SETBP1: variants seen among roughly 807,000 people sequenced by gnomAD.
The protein encoded by SETBP1 is SET-binding protein.
In SETBP1, 9 loss-of-function variants were observed where a neutral mutation model predicts 101.0. The ratio of observed to expected loss-of-function variants is 0.09; its 90% CI spans 0.05 to 0.16. SETBP1 has a LOEUF of 0.16. SETBP1 is among the 10% of genes least tolerant of loss of function. SETBP1 has a pLI of 1.00. For missense variants in SETBP1, 1,858 were observed against 2,033.8 expected, an observed-to-expected ratio of 0.91 and a Z score of 1.66; for synonymous variants, 818 against 788.5, an observed-to-expected ratio of 1.04 and a Z score of -0.63.
intron 2 of SETBP1, among the ~76,000 whole-genome samples, chr18:44,767,798 AACGAAATAG>A (rs1285641406): frequency 6.6e-6 from 1 of 152,214 alleles, no homozygotes; most frequent in Non-Finnish European, 1.5e-5. Flanking sequence ...GTGGGAATAA[AACGAAATAG>A]ACGTTTCATA....
chr18:44,933,624 G>A (rs1488766909), intron 3 of SETBP1, among the ~76,000 whole-genome samples: 1 of 152,168 alleles, frequency 6.6e-6, no homozygotes. Context: ...TGGATGCTTT[G>A]TTTACCTACT....
At chr18:44,893,800 CAT>C (rs57530177) in intron 3 of SETBP1, among the ~76,000 whole-genome samples, 24 of 152,132 alleles carry the variant, frequency 1.6e-4, no homozygotes, top group African/African-American at 4.3e-4. Context: ...CTTATTTTAA[CAT>C]GTGTAAAATG....
At position 44,950,788 on chromosome 18, in the gene SETBP1, G is replaced by C. The variant is rs754206158; in HGVS notation, c.1448G>C (p.Gly483Ala). 1 of 1,614,148 alleles carries C rather than the reference G, an allele frequency of 6.2e-7. No individual in the cohort carries two copies. The highest frequency in any genetic ancestry group is 8.5e-7 in the Non-Finnish European group (1 of 1,180,026). The part of the protein sequence containing the change: ...NESPSVGLET[G>A]GNAEKVIPGG... ...TCCCCCTCAGTTGGCCTTGAAACTG[G>C]TGGAAATGCTGAGAAAGTTATCCCA... is the stretch of plus-strand genomic sequence containing the variant. Residue 483 changes from glycine to alanine, a missense_variant, in exon 4 of 6, where the codon GGT (glycine) becomes GCT (alanine). Coordinates refer to ENST00000649279, the MANE Select transcript of SETBP1 (RefSeq NM_015559.3).
At chr18:44,756,457 G>C (rs4617956) in intron 2 of SETBP1, among the ~76,000 whole-genome samples, 76,560 of 151,928 alleles carry the variant, frequency 0.5, 19,636 homozygotes, top group African/African-American at 0.55. Flanking sequence ...TCACAGTGCT[G>C]TCAAGTACAT....
intron 3 of SETBP1, among the ~76,000 whole-genome samples, chr18:44,893,985 GT>G (rs1195835882): frequency 1.3e-5 from 2 of 152,194 alleles, no homozygotes; most frequent in East Asian, 3.9e-4. Flanking sequence ...GGACACTTTA[GT>G]TTTAAAACTC....
intron 2 of SETBP1, among the ~76,000 whole-genome samples, chr18:44,815,441 AC>A (rs2071954324): frequency 6.6e-6 from 1 of 152,228 alleles, no homozygotes; most frequent in Non-Finnish European, 1.5e-5. Context: ...TGGGCAATAG[AC>A]ATTTGAATTA....
chr18:44,944,822 A>G (rs967840387), intron 3 of SETBP1, among the ~76,000 whole-genome samples: 1 of 152,046 alleles, frequency 6.6e-6, no homozygotes, highest in Non-Finnish European at 1.5e-5. Context: ...TCAAATCACC[A>G]TCTTCTCATC....
intron 3 of SETBP1, among the ~76,000 whole-genome samples, chr18:44,888,516 G>A (rs1367477240): frequency 6.6e-6 from 1 of 152,050 alleles, no homozygotes; most frequent in Non-Finnish European, 1.5e-5. Context: ...TTCCCATTTG[G>A]TGCAAAGCAA....
chr18:44,690,247 G>C (rs973851694), intron 1 of SETBP1, among the ~76,000 whole-genome samples: 4 of 152,190 alleles, frequency 2.6e-5, no homozygotes, highest in Non-Finnish European at 4.4e-5. Flanking sequence ...GACAGTACAA[G>C]GTAGCTAGAG....
In SETBP1 at chr18:44,700,265, A is replaced by G. The variant is rs1050092705; in HGVS notation, c.-172-910A>G. 2.6e-5 allele frequency among the ~76,000 whole-genome samples: 4 copies of G among 152,084 alleles called. No homozygotes were observed. The South Asian group carries it at 6.2e-4, about 24-fold the overall frequency. On this transcript the variant is annotated intron_variant, in intron 1 of 5. Coordinates refer to ENST00000649279, the MANE Select transcript of SETBP1 (RefSeq NM_015559.3). ...GAGCCTAACTGATTTTTCTCTTCTCATCTTGGAGGAAGGTAGAGAGGAAGA... is the reference window on the plus strand; with the variant it reads ...GAGCCTAACTGATTTTTCTCTTCTCGTCTTGGAGGAAGGTAGAGAGGAAGA...
In SETBP1 at chr18:44,951,758, A is replaced by C; in HGVS notation, c.2418A>C (p.Pro806=). 1 of 1,614,154 alleles carries C rather than the reference A, an allele frequency of 6.2e-7. No individual in the cohort carries two copies. Among genetic ancestry groups the C allele is most frequent in the Non-Finnish European group, 8.5e-7 (1 of 1,180,024 alleles). ...ATTTTTCAGAGTTGAAAACTATGCC[A>C]AATCTCCAGCCCATCAGTGCTCTTC... ...ETNFSELKTM[P]NLQPISALPT... Residue 806 remains proline (P), a synonymous_variant, in exon 4 of 6, where the codon CCA becomes CCC. Coordinates refer to ENST00000649279, the MANE Select transcript of SETBP1 (RefSeq NM_015559.3). The surrounding 1 kb of genome is among the most constrained non-coding windows in gnomAD (Gnocchi z 7.8).
intron 2 of SETBP1, among the ~76,000 whole-genome samples, chr18:44,805,704 C>G (rs559914914): frequency 6.6e-6 from 1 of 151,980 alleles, no homozygotes; most frequent in Non-Finnish European, 1.5e-5. Flanking sequence ...ATGGCAGAGA[C>G]TGTCATCTTT....
intron 2 of SETBP1, among the ~76,000 whole-genome samples, chr18:44,867,574 A>G (rs900260770): frequency 6.6e-6 from 1 of 152,222 alleles, no homozygotes; most frequent in Non-Finnish European, 1.5e-5. Context: ...GACAAAGTCT[A>G]TCATTACATT....
At chr18:44,798,208 T>C (rs116698392) in intron 2 of SETBP1, among the ~76,000 whole-genome samples, 226 of 152,232 alleles carry the variant, frequency 1.5e-3, no homozygotes, top group African/African-American at 4.5e-3. Flanking sequence ...AGAAATAACA[T>C]AATGTTGAGA....
intron 3 of SETBP1, among the ~76,000 whole-genome samples, chr18:44,925,462 T>C (rs16978234): frequency 0.01 from 1,544 of 152,284 alleles, 75 homozygotes; most frequent in Admixed American, 0.082. Context: ...TAAAACCTGC[T>C]TTTGGAGCTA....
At chr18:44,839,397 A>G (rs1352023038) in intron 2 of SETBP1, among the ~76,000 whole-genome samples, 1 of 151,734 alleles carries the variant, frequency 6.6e-6, no homozygotes, top group African/African-American at 2.4e-5. Flanking sequence ...TGCTAGGCAA[A>G]CCTGGGTGTT....
intron 2 of SETBP1, among the ~76,000 whole-genome samples, chr18:44,797,080 A>C (rs111831098): frequency 2.0e-5 from 3 of 152,222 alleles, no homozygotes; most frequent in Non-Finnish European, 4.4e-5. Flanking sequence ...AACAGGTTAC[A>C]GGCAGATCCT....
At chr18:44,746,478 A>G (rs779491716) in intron 2 of SETBP1, among the ~76,000 whole-genome samples, 10 of 152,208 alleles carry the variant, frequency 6.6e-5, no homozygotes, top group Non-Finnish European at 1.2e-4. Flanking sequence ...CATATTTTTT[A>G]AGGGGGAGGT....
chr18:44,950,511 A>T lies in SETBP1; in HGVS notation c.1171A>T (p.Ser391Cys). 1.2e-6 allele frequency: 2 copies of T among 1,614,146 alleles called. No homozygotes were observed. Among genetic ancestry groups the T allele is most frequent in the South Asian group, 1.1e-5 (1 of 91,092 alleles). The change falls in exon 4 of 6, where the codon AGT (serine) becomes TGT (cysteine). Residue 391 changes from serine to cysteine, a missense_variant. This residue lies in a region of SETBP1 where 581 missense variants were observed against 535.1 expected (regional missense o/e 1.09). Coordinates refer to ENST00000649279, the MANE Select transcript of SETBP1 (RefSeq NM_015559.3). ...AGCCAGGCAGAACGTGAGTTCTGCC[A>T]GTAATCCTGAAAATGACTCAAGTCA... ...SPARQNVSSA[S>C]NPENDSSHVR...
Sources: allele counts gnomAD v4.1 joint callset (sites outside exome capture counted in the v4.1 genomes callset), GRCh38; gene constraint gnomAD v4.1.1; regional missense constraint gnomAD v4.1.1; non-coding constraint Gnocchi (gnomAD v3.1); transcripts MANE v1.5; gene names NCBI Gene and HGNC (gene_info 2026-07-23, HGNC 2026-07-21).